The following CAPSL variants were observed in gnomAD, a reference collection of about 807,000 sequenced individuals.
The protein encoded by CAPSL is calcyphosin-like protein.
Under a neutral mutation model 21.3 loss-of-function variants are expected in CAPSL, and 17 were observed. That is an observed-to-expected ratio of 0.80 (90% CI 0.55 to 1.20). The LOEUF (loss-of-function observed/expected upper bound fraction) is 1.20, where lower values mean the gene tolerates loss of function less well. Ranked by LOEUF, CAPSL falls within the 50% of genes most tolerant of loss-of-function variation. The probability of loss-of-function intolerance (pLI) is 0.00; values close to 1 mark genes in which losing one functional copy is unlikely to be tolerated. For synonymous variants in CAPSL, 102 were observed against 89.3 expected (o/e 1.14, Z -0.80); for missense variants, 289 against 259.3 (o/e 1.11, Z -0.79).
intron 1 of CAPSL, among the ~76,000 whole-genome samples, chr5:35,936,052 G>A (rs1738938832): frequency 6.6e-6 from 1 of 152,156 alleles, no homozygotes; most frequent in African/African-American, 2.4e-5. Flanking sequence ...ATGTTGGTCA[G>A]GTTCTTATTC....
At chr5:35,918,107 A>T (rs1282531543) in intron 2 of CAPSL, among the ~76,000 whole-genome samples, 3 of 152,184 alleles carry the variant, frequency 2.0e-5, no homozygotes, top group African/African-American at 2.4e-5. Context: ...CCATTACCGG[A>T]TATATACCTA....
At chr5:35,934,635 A>G (rs1738900036) in intron 1 of CAPSL, among the ~76,000 whole-genome samples, 1 of 152,146 alleles carries the variant, frequency 6.6e-6, no homozygotes, top group Non-Finnish European at 1.5e-5. Flanking sequence ...CAGTGACCAT[A>G]TCCTTCACCA....
At chr5:35,937,654 A>G (rs1173793721) in intron 1 of CAPSL, among the ~76,000 whole-genome samples, 1 of 152,212 alleles carries the variant, frequency 6.6e-6, no homozygotes, top group African/African-American at 2.4e-5. Context: ...TACTATCACC[A>G]TATCATCAGG....
chr5:35,917,870 A>G (rs989025805), intron 2 of CAPSL, among the ~76,000 whole-genome samples: 29 of 151,936 alleles, frequency 1.9e-4, no homozygotes, highest in African/African-American at 6.8e-4. Context: ...GTATAATAAT[A>G]ATAAAATTTT....
chr5:35,935,775 A>T (rs925999583), intron 1 of CAPSL, among the ~76,000 whole-genome samples: 3 of 151,932 alleles, frequency 2.0e-5, no homozygotes, highest in African/African-American at 7.3e-5. Flanking sequence ...TCCCTTCTGG[A>T]TCTACTTCCT....
At chr5:35,920,059 G>T (rs1344484915) in intron 2 of CAPSL, among the ~76,000 whole-genome samples, 1 of 152,152 alleles carries the variant, frequency 6.6e-6, no homozygotes, top group East Asian at 1.9e-4. Context: ...CTGGCCACCA[G>T]GGTCCATATC....
intron 1 of CAPSL, among the ~76,000 whole-genome samples, chr5:35,927,411 A>C (rs16902616): frequency 0.012 from 1,866 of 152,366 alleles, 47 homozygotes; most frequent in African/African-American, 0.043. Flanking sequence ...TGGGGTTGCT[A>C]TAATGATTCC....
intron 1 of CAPSL, among the ~76,000 whole-genome samples, chr5:35,925,620 AT>A (rs1738650615): frequency 6.6e-6 from 1 of 152,108 alleles, no homozygotes; most frequent in Non-Finnish European, 1.5e-5. Flanking sequence ...CCAGGGTGGG[AT>A]TTGGATTTTC....
intron 1 of CAPSL, among the ~76,000 whole-genome samples, chr5:35,932,317 T>C (rs963533665): frequency 3.3e-5 from 5 of 152,170 alleles, no homozygotes; most frequent in Non-Finnish European, 5.9e-5. Context: ...CAAGTAGTCA[T>C]CAATGTTTCC....
chr5:35,914,917 A>T (rs1054167259), intron 2 of CAPSL, among the ~76,000 whole-genome samples: 1 of 152,242 alleles, frequency 6.6e-6, no homozygotes, highest in African/African-American at 2.4e-5. Flanking sequence ...CATTAAATCC[A>T]GGAGCTGGTT....
At chr5:35,905,283 AT>A (rs1413581025) in intron 4 of CAPSL, among the ~76,000 whole-genome samples, 1 of 152,144 alleles carries the variant, frequency 6.6e-6, no homozygotes, top group Admixed American at 6.5e-5. Flanking sequence ...GGGATTTTAT[AT>A]TACTTTCCTT....
chr5:35,927,156 A>C (rs7726563), intron 1 of CAPSL, among the ~76,000 whole-genome samples: 29,546 of 152,142 alleles, frequency 0.19, 2,955 homozygotes, highest in Non-Finnish European at 0.21. Flanking sequence ...CCTTTGCACC[A>C]CACTGCTTGA....
At chr5:35,925,692 AG>A (rs1561442353) in intron 1 of CAPSL, among the ~76,000 whole-genome samples, 1 of 152,198 alleles carries the variant, frequency 6.6e-6, no homozygotes, top group African/African-American at 2.4e-5. Flanking sequence ...TTCTTAAAAA[AG>A]GAAAAAGTCT....
At chr5:35,919,176 T>A (rs1477930100) in intron 2 of CAPSL, among the ~76,000 whole-genome samples, 9 of 126,112 alleles carry the variant, frequency 7.1e-5, no homozygotes, top group East Asian at 5.6e-4. Context: ...AAAAAATATA[T>A]ATATATATAT....
intron 2 of CAPSL, among the ~76,000 whole-genome samples, chr5:35,913,403 T>C (rs1738285304): frequency 1.3e-5 from 2 of 151,864 alleles, no homozygotes; most frequent in Non-Finnish European, 2.9e-5. Flanking sequence ...AGACACATAA[T>C]TGTCAGATTC....
intron 1 of CAPSL, among the ~76,000 whole-genome samples, chr5:35,930,782 G>C (rs1738800754): frequency 6.6e-6 from 1 of 152,220 alleles, no homozygotes; most frequent in African/African-American, 2.4e-5. Context: ...ACCTGGTTGA[G>C]ACAAAGTCAT....
intron 1 of CAPSL, among the ~76,000 whole-genome samples, chr5:35,924,546 T>C (rs1370522417): frequency 6.6e-6 from 1 of 152,174 alleles, no homozygotes; most frequent in Admixed American, 6.5e-5. Context: ...TTCTGGAGTC[T>C]AATAAATTCA....
At chr5:35,932,277 C>A (rs1054144112) in intron 1 of CAPSL, among the ~76,000 whole-genome samples, 1 of 152,102 alleles carries the variant, frequency 6.6e-6, no homozygotes, top group African/African-American at 2.4e-5. Context: ...ATTTACTTTA[C>A]TCTCATGTAA....
chr5:35,931,241 AC>A (rs1337615314), intron 1 of CAPSL, among the ~76,000 whole-genome samples: 1 of 152,148 alleles, frequency 6.6e-6, no homozygotes, highest in Non-Finnish European at 1.5e-5. Context: ...GGGTAAAATA[AC>A]TAGCAATCCA....
Sources: allele counts gnomAD v4.1 joint callset (sites outside exome capture counted in the v4.1 genomes callset), GRCh38; gene constraint gnomAD v4.1.1; transcripts MANE v1.5; gene names NCBI Gene and HGNC (gene_info 2026-07-23, HGNC 2026-07-21).